PDE4B: variants seen among roughly 807,000 people sequenced by gnomAD.
The protein encoded by PDE4B is 3',5'-cyclic-AMP phosphodiesterase 4B.
A neutral mutation model predicts 82.2 loss-of-function variants in PDE4B; 20 were observed. The ratio of observed to expected loss-of-function variants is 0.24; its 90% CI spans 0.17 to 0.35. The LOEUF is 0.35. PDE4B is among the 10% of genes least tolerant of loss of function. The probability of loss-of-function intolerance (pLI) is 1.00; values close to 1 mark genes in which losing one functional copy is unlikely to be tolerated. For missense variants in PDE4B, 655 were observed against 907.2 expected, an observed-to-expected ratio of 0.72 and a Z score of 3.57; for synonymous variants, 320 against 318.9, an observed-to-expected ratio of 1.00 and a Z score of -0.04.
intron 3 of PDE4B, among the ~76,000 whole-genome samples, chr1:66,133,236 A>G (rs1645988873): frequency 6.6e-6 from 1 of 152,160 alleles, no homozygotes; most frequent in African/African-American, 2.4e-5. Context: ...CCACAATATA[A>G]TGGTTCACAA....
At chr1:66,125,486 CT>C (rs746316817) in intron 3 of PDE4B, among the ~76,000 whole-genome samples, 23 of 152,084 alleles carry the variant, frequency 1.5e-4, no homozygotes, top group Non-Finnish European at 3.2e-4. Context: ...ATTACTTTTT[CT>C]GAAATGTATG....
chr1:65,966,577 CT>C (rs1235210393), intron 3 of PDE4B, among the ~76,000 whole-genome samples: 2 of 152,140 alleles, frequency 1.3e-5, no homozygotes, highest in East Asian at 3.8e-4. Context: ...CAAAAAAGAG[CT>C]CGTATAGCCA....
chr1:66,081,714 G>A (rs1279673987), intron 3 of PDE4B, among the ~76,000 whole-genome samples: 1 of 152,052 alleles, frequency 6.6e-6, no homozygotes, highest in African/African-American at 2.4e-5. Context: ...GATTTGGTCA[G>A]TGTTGTAACA....
Position 66,361,710 on chromosome 1 carries a change from A to G in PDE4B, c.937A>G (p.Lys313Glu), listed in dbSNP as rs1201553569. Reference sequence around the variant, plus strand: ...CATGACCCAGATAAGTGGAGTGAAGAAATTAATGCATAGTTCAAGCCTAAA... The same window carrying G: ...CATGACCCAGATAAGTGGAGTGAAGGAATTAATGCATAGTTCAAGCCTAAA... ...QLMTQISGVK[K>E]LMHSSSLNNT... Residue 313 changes from lysine (K) to glutamate (E), a missense_variant, in exon 10 of 17, where the codon AAA becomes GAA. Physicochemically the swap from Lys to Glu is moderately conservative, Grantham distance 56. This residue lies in a region of PDE4B where 283 missense variants were observed against 516.4 expected (regional missense o/e 0.55). Transcript: ENST00000341517. 2.5e-6 allele frequency: 4 copies of G among 1,613,688 alleles called. No individual in the cohort carries two copies. The highest frequency in any genetic ancestry group is 3.4e-6 in the Non-Finnish European group (4 of 1,179,668).
intron 3 of PDE4B, among the ~76,000 whole-genome samples, chr1:65,943,699 A>G (rs1273015874): frequency 1.3e-5 from 2 of 151,966 alleles, no homozygotes; most frequent in African/African-American, 4.8e-5. Flanking sequence ...TTCAATGTGC[A>G]GGTCTTTCAC....
intron 1 of PDE4B, among the ~76,000 whole-genome samples, chr1:65,804,580 A>G (rs1343478270): frequency 6.6e-6 from 1 of 152,150 alleles, no homozygotes; most frequent in Non-Finnish European, 1.5e-5. Context: ...AGCAGCAATA[A>G]TTAGAGAGTA....
At chr1:66,265,053 A>C (rs980605994) in intron 6 of PDE4B, among the ~76,000 whole-genome samples, 2 of 152,222 alleles carry the variant, frequency 1.3e-5, no homozygotes, top group South Asian at 4.1e-4. Flanking sequence ...AGTGGAGCAG[A>C]GAATCCTTAA....
At chr1:66,248,807 G>C (rs1250272550) in intron 4 of PDE4B, among the ~76,000 whole-genome samples, 2 of 152,200 alleles carry the variant, frequency 1.3e-5, no homozygotes, top group Admixed American at 1.3e-4. Flanking sequence ...AAACATAACA[G>C]AGTGAAAGGA....
At chr1:66,196,273 A>G (rs559969744) in intron 3 of PDE4B, among the ~76,000 whole-genome samples, 8 of 152,328 alleles carry the variant, frequency 5.3e-5, no homozygotes, top group Admixed American at 3.9e-4. Context: ...AACCCTGGAC[A>G]AGTCACTTTT....
chr1:66,118,842 TG>T (rs1204554937), intron 3 of PDE4B, among the ~76,000 whole-genome samples: 2 of 152,220 alleles, frequency 1.3e-5, no homozygotes, highest in African/African-American at 2.4e-5. Context: ...TCTCTACTTT[TG>T]CATATGCATT....
chr1:65,936,297 G>C (rs866426338), intron 3 of PDE4B, among the ~76,000 whole-genome samples: 1 of 151,896 alleles, frequency 6.6e-6, no homozygotes, highest in Non-Finnish European at 1.5e-5. Context: ...ATACATAAGG[G>C]TATATTATAA....
At chr1:65,913,175 G>A in intron 1 of PDE4B, 70 bp from the exon 2 acceptor site, 1 of 617,194 alleles carries the variant, frequency 1.6e-6, no homozygotes, top group South Asian at 2.3e-5. Context: ...TGTTAATTTA[G>A]AGAGTATGCC....
At chr1:66,020,324 T>G (rs1569996585) in intron 3 of PDE4B, among the ~76,000 whole-genome samples, 1 of 152,220 alleles carries the variant, frequency 6.6e-6, no homozygotes, top group Non-Finnish European at 1.5e-5. Context: ...ACTCTTTTTT[T>G]TTTAATATAC....
At chr1:66,368,088 T>C (rs1437236823) in intron 15 of PDE4B, 23 bp downstream of exon 15, 1 of 1,609,920 alleles carries the variant, frequency 6.2e-7, no homozygotes, top group Non-Finnish European at 8.5e-7. Context: ...AGTCTTTGAT[T>C]TAACACAAAA....
intron 3 of PDE4B, among the ~76,000 whole-genome samples, chr1:65,954,916 T>C (rs1020769047): frequency 6.6e-6 from 1 of 152,122 alleles, no homozygotes; most frequent in Non-Finnish European, 1.5e-5. Flanking sequence ...GCAAAGACTT[T>C]GTATTTTTTT....
chr1:65,866,670 C>G (rs1473415693), intron 1 of PDE4B, among the ~76,000 whole-genome samples: 1 of 152,150 alleles, frequency 6.6e-6, no homozygotes, highest in Non-Finnish European at 1.5e-5. Context: ...ATATGACTAC[C>G]CATTTCCTGG....
At chr1:65,944,343 A>T (rs765893714) in intron 3 of PDE4B, among the ~76,000 whole-genome samples, 6 of 151,632 alleles carry the variant, frequency 4.0e-5, no homozygotes, top group Non-Finnish European at 1.5e-5. Context: ...CTTTTAATGT[A>T]CTGTTGAATT....
At chr1:66,358,460 A>C (rs1221978102) in intron 9 of PDE4B, among the ~76,000 whole-genome samples, 1 of 152,158 alleles carries the variant, frequency 6.6e-6, no homozygotes, top group Admixed American at 6.5e-5. Context: ...AGATCACCTG[A>C]GGTCAGGAGT....
chr1:65,891,920 G>C (rs1034838695), intron 1 of PDE4B, among the ~76,000 whole-genome samples: 1 of 152,044 alleles, frequency 6.6e-6, no homozygotes, highest in African/African-American at 2.4e-5. Flanking sequence ...TACTGCCCGA[G>C]ATGATCCATG....
Sources: gnomAD v4.1 joint callset for allele counts (sites outside exome capture counted in the v4.1 genomes callset) on GRCh38, gnomAD v4.1.1 for gene constraint, gnomAD v4.1.1 regional missense constraint, MANE v1.5 for transcripts, NCBI Gene and HGNC (gene_info 2026-07-23, HGNC 2026-07-21) for gene names.